KHDRBS2: variants seen among roughly 807,000 people sequenced by gnomAD.
KHDRBS2 encodes KH RNA binding domain containing, signal transduction associated 2.
A neutral mutation model predicts 44.3 loss-of-function variants in KHDRBS2; 26 were observed. That is an observed-to-expected ratio of 0.59 (90% CI 0.43 to 0.81). The LOEUF (loss-of-function observed/expected upper bound fraction) is 0.81, where lower values mean the gene tolerates loss of function less well. KHDRBS2 is among the 40% of genes least tolerant of loss of function. The pLI, the probability that KHDRBS2 is intolerant of heterozygous loss-of-function variation, is 0.00. For missense variants in KHDRBS2, 476 were observed against 433.1 expected (o/e 1.10, Z -0.88); for synonymous variants, 194 against 151.1 (o/e 1.28, Z -2.08).
At chr6:61,598,218 A>T in the KHDRBS2 span, among the ~76,000 whole-genome samples, 1 of 151,272 alleles carries the variant, frequency 6.6e-6, no homozygotes, top group Non-Finnish European at 1.5e-5. Flanking sequence ...TAAATTGGGG[A>T]AAAAGTTGCT....
At chr6:61,796,493 G>C (rs922809173) in intron 6 of KHDRBS2, among the ~76,000 whole-genome samples, 1 of 151,866 alleles carries the variant, frequency 6.6e-6, no homozygotes, top group Non-Finnish European at 1.5e-5. Flanking sequence ...ATTTCAGAAG[G>C]CATATTCTTA....
chr6:62,024,165 T>C (rs931246256), intron 3 of KHDRBS2, among the ~76,000 whole-genome samples: 2 of 151,406 alleles, frequency 1.3e-5, no homozygotes, highest in African/African-American at 4.8e-5. Flanking sequence ...TCATTCATCA[T>C]CTTGGATAAA....
chr6:62,150,045 G>C (rs1185351776), intron 2 of KHDRBS2, among the ~76,000 whole-genome samples: 4 of 152,088 alleles, frequency 2.6e-5, no homozygotes, highest in Non-Finnish European at 5.9e-5. Flanking sequence ...AGTACATCCT[G>C]AATTCAGGCT....
intron 6 of KHDRBS2, among the ~76,000 whole-genome samples, chr6:61,816,181 TTG>T (rs1465072611): frequency 6.6e-6 from 1 of 152,184 alleles, no homozygotes; most frequent in Non-Finnish European, 1.5e-5. Flanking sequence ...ATTGGTTAAA[TTG>T]TGTCCCCAAA....
chr6:61,712,900 TTA>T (rs1176593930), intron 7 of KHDRBS2, among the ~76,000 whole-genome samples: 1 of 151,724 alleles, frequency 6.6e-6, no homozygotes, highest in African/African-American at 2.4e-5. Context: ...AAGTCCACAA[TTA>T]TTTATCCTCA....
chr6:62,029,992 CA>C (rs1311529962), intron 3 of KHDRBS2, among the ~76,000 whole-genome samples: 2 of 151,806 alleles, frequency 1.3e-5, no homozygotes, highest in Non-Finnish European at 2.9e-5. Context: ...AGGAAAAGAC[CA>C]TTTAGAGTTC....
chr6:61,908,033 G>C (rs1172769117), intron 4 of KHDRBS2, among the ~76,000 whole-genome samples: 2 of 152,128 alleles, frequency 1.3e-5, no homozygotes, highest in African/African-American at 4.8e-5. Context: ...ACATATGAAT[G>C]AGTGGTTATA....
chr6:61,740,362 G>C (rs571032779), intron 6 of KHDRBS2, among the ~76,000 whole-genome samples: 2 of 152,000 alleles, frequency 1.3e-5, no homozygotes, highest in Admixed American at 6.6e-5. Context: ...GAAACAGTAG[G>C]GAGTTGGACC....
At chr6:62,018,504 C>A (rs1315643929) in intron 3 of KHDRBS2, among the ~76,000 whole-genome samples, 1 of 152,098 alleles carries the variant, frequency 6.6e-6, no homozygotes, top group Admixed American at 6.6e-5. Flanking sequence ...CCTGCCACCA[C>A]GCCCGGCTAA....
intron 6 of KHDRBS2, among the ~76,000 whole-genome samples, chr6:61,750,529 C>A (rs2127568398): frequency 6.6e-6 from 1 of 152,262 alleles, no homozygotes; most frequent in South Asian, 2.1e-4. Flanking sequence ...TATGTACCAG[C>A]ACCGTCAGTT....
intron 2 of KHDRBS2, among the ~76,000 whole-genome samples, chr6:62,156,409 A>C (rs6939991): frequency 0.56 from 85,457 of 151,836 alleles, 24,630 homozygotes; most frequent in Non-Finnish European, 0.62. Context: ...CGGTAGACTT[A>C]GATTGAACTA....
At chr6:61,999,754 A>G (rs1777872455) in intron 3 of KHDRBS2, among the ~76,000 whole-genome samples, 1 of 152,146 alleles carries the variant, frequency 6.6e-6, no homozygotes, top group Admixed American at 6.6e-5. Flanking sequence ...AATTATGAAA[A>G]GGCATCTTTG....
intron 2 of KHDRBS2, among the ~76,000 whole-genome samples, chr6:62,080,599 A>G (rs1797201702): frequency 6.6e-6 from 1 of 152,150 alleles, no homozygotes; most frequent in Non-Finnish European, 1.5e-5. Flanking sequence ...TTTTGTGGCA[A>G]CATACTGGAT....
At chr6:61,975,302 A>G (rs1478289021) in intron 4 of KHDRBS2, among the ~76,000 whole-genome samples, 3 of 152,178 alleles carry the variant, frequency 2.0e-5, no homozygotes, top group African/African-American at 7.2e-5. Context: ...GTCTTGCCCT[A>G]TATAAGCCTT....
intron 3 of KHDRBS2, among the ~76,000 whole-genome samples, chr6:61,989,375 C>T (rs550907149): frequency 6.6e-6 from 1 of 152,176 alleles, no homozygotes; most frequent in African/African-American, 2.4e-5. Flanking sequence ...GTCATAAAGA[C>T]ACAAGAAGTT....
At chr6:62,241,799 A>G (rs116428393) in intron 1 of KHDRBS2, among the ~76,000 whole-genome samples, 575 of 152,298 alleles carry the variant, frequency 3.8e-3, no homozygotes, top group Non-Finnish European at 4.5e-3. Flanking sequence ...AGGATTCAAG[A>G]TTTGTGAGCC....
chr6:62,275,793 C>T (rs1652506323), intron 1 of KHDRBS2, among the ~76,000 whole-genome samples: 1 of 152,052 alleles, frequency 6.6e-6, no homozygotes, highest in African/African-American at 2.4e-5. Flanking sequence ...TGGACATTTG[C>T]CTAACCTCTG....
intron 1 of KHDRBS2, among the ~76,000 whole-genome samples, chr6:62,228,946 A>G (rs1563099041): frequency 6.6e-6 from 1 of 152,108 alleles, no homozygotes; most frequent in Non-Finnish European, 1.5e-5. Flanking sequence ...TGTATAGGGT[A>G]TCTGACAACC....
chr6:61,848,576 C>CATAT lies in KHDRBS2; in HGVS notation c.810+46055_810+46058dup, dbSNP rs767893776. Among the ~76,000 whole-genome samples the CATAT allele has an allele frequency of 6.0e-4, 18 of 30,008 alleles. 2 individuals are homozygous for CATAT. In the East Asian group the frequency reaches 7.0e-3, roughly 12 times the overall value. 19.7% of individuals were successfully genotyped at this position (30,008 alleles called of 152,430 possible). A position where few individuals can be genotyped will look rare whatever the true frequency, so the allele number is the denominator to read the frequency against. On this transcript the variant is annotated intron_variant, in intron 6 of 8. Coordinates refer to ENST00000281156, the MANE Select transcript of KHDRBS2 (RefSeq NM_152688.4). ...ACATATATATATGTATATATATATA[C>CATAT]ATATATATATATATATACTTTTTTT...
Sources: gnomAD v4.1 joint callset for allele counts (sites outside exome capture counted in the v4.1 genomes callset) on GRCh38, gnomAD v4.1.1 for gene constraint, MANE v1.5 for transcripts, NCBI Gene and HGNC (gene_info 2026-07-23, HGNC 2026-07-21) for gene names.